The following EPHA3 variants were observed in gnomAD, a reference collection of about 807,000 sequenced individuals.
The protein encoded by EPHA3 is EPH receptor A3.
EPHA3 carries 42 observed loss-of-function variants against 107.1 expected under a neutral mutation model. The observed-to-expected ratio is 0.39, with a 90% CI of 0.31 to 0.51. The LOEUF (loss-of-function observed/expected upper bound fraction) is 0.51, where lower values mean the gene tolerates loss of function less well. Ranked by LOEUF, EPHA3 falls within the 20% of genes least tolerant of loss-of-function variation. EPHA3 has a pLI of 0.78. For synonymous variants in EPHA3, 461 were observed against 424.8 expected (o/e 1.09, Z -1.05); for missense variants, 1,183 against 1,211.2 (o/e 0.98, Z 0.35).
intron 3 of EPHA3, among the ~76,000 whole-genome samples, chr3:89,296,691 A>G (rs574143805): frequency 6.6e-6 from 1 of 152,284 alleles, no homozygotes; most frequent in African/African-American, 2.4e-5. Context: ...AGCTTCTACT[A>G]AGGGAGTCAG....
At position 89,281,843 on chromosome 3, in the gene EPHA3, C is replaced by T. The variant is rs141571650; in HGVS notation, c.815-59073C>T. ...ACTAAACATCTCTCTCGATTTTATG[C>T]GCACTGTAAAAAAGCATACACATGG... On this transcript the variant is annotated intron_variant, in intron 3 of 16. Coordinates refer to ENST00000336596, the MANE Select transcript of EPHA3 (RefSeq NM_005233.6). Among the ~76,000 whole-genome samples, 19 of 152,208 alleles carry T rather than the reference C, an allele frequency of 1.2e-4. No homozygotes were observed. In the East Asian group the frequency reaches 3.3e-3, roughly 26 times the overall value.
chr3:89,187,854 C>G (rs1233332668), intron 2 of EPHA3, among the ~76,000 whole-genome samples: 1 of 152,084 alleles, frequency 6.6e-6, no homozygotes, highest in Non-Finnish European at 1.5e-5. Flanking sequence ...TGTAATATAA[C>G]AACTCTCTTG....
rs1297798705 is a variant in EPHA3, at chr3:89,363,322, T to C, written c.1306+21232T>C. On this transcript the variant is annotated intron_variant, in intron 5 of 16. Coordinates refer to ENST00000336596, the MANE Select transcript of EPHA3 (RefSeq NM_005233.6). Reference sequence around the variant, plus strand: ...AGTGAGAGAGAGAGAGTTTAAGGAATAGGCTCATGTGATTGTGGAGGCTGC... The same window carrying C: ...AGTGAGAGAGAGAGAGTTTAAGGAACAGGCTCATGTGATTGTGGAGGCTGC... Among the ~76,000 whole-genome samples, 7 of 150,270 alleles carry C rather than the reference T, an allele frequency of 4.7e-5. 1 individual carries two copies. Among genetic ancestry groups the C allele is most frequent in the Non-Finnish European group, 7.5e-5 (5 of 67,096 alleles).
Position 89,448,778 on chromosome 3 carries a change from C to A in EPHA3, c.2347-447C>A, listed in dbSNP as rs778661000. 9.9e-5 allele frequency among the ~76,000 whole-genome samples: 15 copies of A among 152,150 alleles called. No homozygotes were observed. In the South Asian group the frequency reaches 2.1e-3, roughly 21 times the overall value. On this transcript the variant is annotated intron_variant, in intron 13 of 16. Transcript: ENST00000336596. ...AAGTACTTATGTGCCAGGGAGTGGTCTAAGTTCTTTACAAATACTGACTTA... is the reference window on the plus strand; with the variant it reads ...AAGTACTTATGTGCCAGGGAGTGGTATAAGTTCTTTACAAATACTGACTTA...
At chr3:89,391,644 A>T (rs1404513483) in intron 5 of EPHA3, among the ~76,000 whole-genome samples, 1 of 151,510 alleles carries the variant, frequency 6.6e-6, no homozygotes, top group Non-Finnish European at 1.5e-5. Flanking sequence ...CGTGTTAGCC[A>T]GGATGGTCTC....
At chr3:89,116,028 T>C (rs1182153667) in intron 1 of EPHA3, among the ~76,000 whole-genome samples, 2 of 152,164 alleles carry the variant, frequency 1.3e-5, no homozygotes, top group Admixed American at 6.5e-5. Flanking sequence ...TTTGGAACTG[T>C]AGTTACACTC....
At chr3:89,274,043 A>C (rs1396627944) in intron 3 of EPHA3, among the ~76,000 whole-genome samples, 1 of 151,966 alleles carries the variant, frequency 6.6e-6, no homozygotes, top group South Asian at 2.1e-4. Flanking sequence ...TCAGCTGAGA[A>C]CATGCATGTC....
intron 5 of EPHA3, among the ~76,000 whole-genome samples, chr3:89,352,508 A>G (rs1179791150): frequency 1.3e-5 from 2 of 151,182 alleles, no homozygotes; most frequent in African/African-American, 4.8e-5. Flanking sequence ...AAGCAATAGT[A>G]TCCATTCGTT....
intron 5 of EPHA3, among the ~76,000 whole-genome samples, chr3:89,362,989 A>T (rs1002463534): frequency 6.6e-5 from 10 of 151,048 alleles, no homozygotes; most frequent in African/African-American, 2.4e-4. Context: ...GATTTGTAAG[A>T]TGATTGACTG....
intron 2 of EPHA3, among the ~76,000 whole-genome samples, chr3:89,130,667 C>T (rs150755750): frequency 2.7e-5 from 4 of 148,504 alleles, no homozygotes; most frequent in South Asian, 4.2e-4. Flanking sequence ...TGGAGTCTCG[C>T]TCTGTCACCC....
At chr3:89,399,241 G>T in intron 6 of EPHA3, 77 bp from the exon 7 acceptor site, 1 of 1,292,040 alleles carries the variant, frequency 7.7e-7, no homozygotes. Context: ...AATCAGGTTT[G>T]AGTGGTTCAC....
intron 2 of EPHA3, among the ~76,000 whole-genome samples, chr3:89,127,921 G>A (rs1158815239): frequency 6.6e-6 from 1 of 151,912 alleles, no homozygotes; most frequent in Non-Finnish European, 1.5e-5. Flanking sequence ...GGCTTTTATG[G>A]GAGAACATTT....
chr3:89,390,542 G>C (rs1315653031), intron 5 of EPHA3, among the ~76,000 whole-genome samples: 1 of 149,842 alleles, frequency 6.7e-6, no homozygotes, highest in Non-Finnish European at 1.5e-5. Flanking sequence ...AAAGGTTGCA[G>C]TGAGCCAAGA....
chr3:89,434,374 C>A lies in EPHA3; in HGVS notation c.2346+3015C>A, dbSNP rs192093782. On this transcript the variant is annotated intron_variant, in intron 13 of 16. Coordinates refer to ENST00000336596, the MANE Select transcript of EPHA3 (RefSeq NM_005233.6). ...TTTGGATAACAGTGGCTTGCCACCA[C>A]GCCTGGCTAATTTTTGTATTTTTAG... 1.8e-4 allele frequency among the ~76,000 whole-genome samples: 28 copies of A among 152,174 alleles called. No homozygotes were observed. In the East Asian group the frequency reaches 4.5e-3, roughly 24 times the overall value.
chr3:89,263,851 C>G (rs1417230703), intron 3 of EPHA3, among the ~76,000 whole-genome samples: 1 of 152,080 alleles, frequency 6.6e-6, no homozygotes, highest in Non-Finnish European at 1.5e-5. Flanking sequence ...TGTGGACCCT[C>G]CCTTTTCTTC....
At chr3:89,408,181 G>A (rs758664247) in intron 9 of EPHA3, 50 bp downstream of exon 9, 2 of 1,577,078 alleles carry the variant, frequency 1.3e-6, no homozygotes, top group East Asian at 2.2e-5. Flanking sequence ...TTTAGCTTTA[G>A]CAGTTATTGA....
chr3:89,150,657 AC>A (rs1306190114), intron 2 of EPHA3, among the ~76,000 whole-genome samples: 3 of 152,110 alleles, frequency 2.0e-5, no homozygotes, highest in Non-Finnish European at 4.4e-5. Flanking sequence ...TGAAATGTTT[AC>A]CAGATATCAA....
rs575792038 is a variant in EPHA3 at position 89,458,425 on chromosome 3, A to G, written c.2690+8055A>G. ...ACAGTGCAAGGCATTTCCAAAAAGT[A>G]GATTCAAACGGTATTAACAAAAGCT... is the stretch of plus-strand genomic sequence containing the variant. On this transcript the variant is annotated intron_variant, in intron 15 of 16. Coordinates refer to ENST00000336596, the MANE Select transcript of EPHA3 (RefSeq NM_005233.6). 7.2e-4 allele frequency among the ~76,000 whole-genome samples: 109 copies of G among 152,282 alleles called. 1 individual carries two copies. Among genetic ancestry groups the G allele is most frequent in the African/African-American group, 2.6e-3 (108 of 41,562 alleles).
intron 3 of EPHA3, among the ~76,000 whole-genome samples, chr3:89,276,043 A>G (rs1705797392): frequency 1.3e-5 from 2 of 152,076 alleles, no homozygotes; most frequent in African/African-American, 2.4e-5. Context: ...GGGGAGAAAA[A>G]GCAGAGGTAG....
Sources: allele counts gnomAD v4.1 joint callset (sites outside exome capture counted in the v4.1 genomes callset), GRCh38; gene constraint gnomAD v4.1.1; transcripts MANE v1.5; gene names NCBI Gene and HGNC (gene_info 2026-07-23, HGNC 2026-07-21).